The following EDEM1 variants were observed in gnomAD, a reference collection of about 807,000 sequenced individuals.
EDEM1 encodes ER degradation-enhancing alpha-mannosidase-like protein 1.
In EDEM1, 67 loss-of-function variants were observed where a neutral mutation model predicts 74.4. The ratio of observed to expected loss-of-function variants is 0.90; its 90% CI spans 0.74 to 1.10. The LOEUF is 1.10. EDEM1 is among the 50% of genes least tolerant of loss of function. The probability of loss-of-function intolerance (pLI) is 0.00; values close to 1 mark genes in which losing one functional copy is unlikely to be tolerated. For synonymous variants in EDEM1, 382 were observed against 335.9 expected, an observed-to-expected ratio of 1.14 and a Z score of -1.50; for missense variants, 926 against 851.6, an observed-to-expected ratio of 1.09 and a Z score of -1.09.
In EDEM1 at chr3:5,218,353, G is replaced by GT. The variant is rs34784782; in HGVS notation, c.*2453dup. 0.021 allele frequency: 2,754 copies of GT among 133,006 alleles called. 81 individuals are homozygous for GT. Among genetic ancestry groups the GT allele is most frequent in the African/African-American group, 0.064 (2,386 of 37,324 alleles). The allele number at this position is 133,006 out of a possible 1,614,324, so 8.2% of individuals were successfully genotyped here. A position where few individuals can be genotyped will look rare whatever the true frequency, so the allele number is the denominator to read the frequency against. On this transcript the variant is annotated 3_prime_UTR_variant, in exon 12 of 12. Coordinates refer to ENST00000256497, the MANE Select transcript of EDEM1 (RefSeq NM_014674.3). ...TTTGAGCCAGTTTCAAAGGTTACTTGTTTTTTTTTTTTTTTTTTAAAGTCA... is the reference window on the plus strand; with the variant it reads ...TTTGAGCCAGTTTCAAAGGTTACTTGTTTTTTTTTTTTTTTTTTTAAAGTCA...
At chr3:5,190,424 A>T (rs978498961) in intron 1 of EDEM1, among the ~76,000 whole-genome samples, 2 of 152,200 alleles carry the variant, frequency 1.3e-5, no homozygotes, top group Non-Finnish European at 2.9e-5. Flanking sequence ...ATGACATTTT[A>T]ATGTTTTTCT....
At position 5,216,170 on chromosome 3, in the gene EDEM1, T is replaced by C. The variant is rs1302165299; in HGVS notation, c.*252T>C. The C allele has an allele frequency of 6.0e-6, 3 of 499,754 alleles. No individual in the cohort carries two copies. The highest frequency in any genetic ancestry group is 4.2e-5 in the Admixed American group (1 of 23,640). 31.0% of individuals were successfully genotyped at this position (499,754 alleles called of 1,614,324 possible). On this transcript the variant is annotated 3_prime_UTR_variant, in exon 12 of 12. Coordinates refer to ENST00000256497, the MANE Select transcript of EDEM1 (RefSeq NM_014674.3). ...ATGGAAATTGCCCTCTTATGACATG[T>C]TGATGTTATAAGCACAATAGATGGG...
chr3:5,188,394 T>C lies in EDEM1; in HGVS notation c.509+80T>C, dbSNP rs1416629357. ...CGCGCCGGGGTGCAGCCCTCTGTCC[T>C]CCGGGGCCCCCGAGGGCGCCAGGGC... On this transcript the variant is annotated intron_variant, in intron 1 of 11. Coordinates refer to ENST00000256497, the MANE Select transcript of EDEM1 (RefSeq NM_014674.3). 3 of 1,308,046 alleles carry C rather than the reference T, an allele frequency of 2.3e-6. No individual in the cohort carries two copies. The African/African-American group carries it at 4.7e-5, about 20-fold the overall frequency. The allele number at this position is 1,308,046 out of a possible 1,614,324, so 81.0% of individuals were successfully genotyped here. A position where few individuals can be genotyped will look rare whatever the true frequency, so the allele number is the denominator to read the frequency against.
intron 1 of EDEM1, among the ~76,000 whole-genome samples, chr3:5,191,152 A>T (rs1481488032): frequency 6.6e-6 from 1 of 152,222 alleles, no homozygotes; most frequent in East Asian, 1.9e-4. Context: ...GAGTATTGTC[A>T]TGCTGGCTTT....
chr3:5,201,644 G>T, intron 3 of EDEM1, 109 bp from the exon 4 acceptor site: 2 of 1,290,486 alleles, frequency 1.5e-6, no homozygotes, highest in East Asian at 4.7e-5. Flanking sequence ...CTGACGTCAG[G>T]CAGTTCTGAG....
At chr3:5,193,628 G>A (rs1057386140) in intron 1 of EDEM1, among the ~76,000 whole-genome samples, 2 of 150,134 alleles carry the variant, frequency 1.3e-5, no homozygotes, top group South Asian at 2.1e-4. Context: ...ACAGAGTTTC[G>A]CTCTTGTTGC....
intron 6 of EDEM1, 110 bp downstream of exon 6, chr3:5,205,351 T>C: frequency 9.1e-7 from 1 of 1,101,248 alleles, no homozygotes; most frequent in Non-Finnish European, 1.3e-6. Context: ...ATCTCTGCCC[T>C]CACCTTACCA....
At chr3:5,204,081 A>G (rs1319640564) in intron 5 of EDEM1, among the ~76,000 whole-genome samples, 2 of 152,150 alleles carry the variant, frequency 1.3e-5, no homozygotes, top group East Asian at 3.9e-4. Flanking sequence ...AAATTTATGT[A>G]TACATTTGTT....
rs906060580 is a variant in EDEM1 at position 5,217,830 on chromosome 3, C to T, written c.*1912C>T. ...ATGCATGCATGCACACACGAGCATA[C>T]TTGTACCTTTGTCTCTGGGCAAACA... On this transcript the variant is annotated 3_prime_UTR_variant, in exon 12 of 12. Transcript: ENST00000256497. 3 of 152,128 alleles carry T rather than the reference C, an allele frequency of 2.0e-5. No individual in the cohort carries two copies. The highest frequency in any genetic ancestry group is 4.4e-5 in the Non-Finnish European group (3 of 68,030). 9.4% of individuals were successfully genotyped at this position (152,128 alleles called of 1,614,324 possible).
intron 2 of EDEM1, among the ~76,000 whole-genome samples, chr3:5,195,920 T>C (rs1344812026): frequency 2.0e-5 from 3 of 152,258 alleles, no homozygotes; most frequent in Non-Finnish European, 4.4e-5. Flanking sequence ...GTGCCATGTC[T>C]GTGTGCTTCA....
At chr3:5,192,918 T>TG (rs1246222887) in intron 1 of EDEM1, among the ~76,000 whole-genome samples, 1 of 151,592 alleles carries the variant, frequency 6.6e-6, no homozygotes, top group African/African-American at 2.4e-5. Context: ...TTACTGCAAG[T>TG]AATTTTTTTT....
intron 11 of EDEM1, among the ~76,000 whole-genome samples, chr3:5,215,295 G>A (rs868437865): frequency 6.6e-6 from 1 of 150,712 alleles, no homozygotes; most frequent in South Asian, 2.1e-4. Flanking sequence ...AAGTGGTGGG[G>A]GTGGGGGGGT....
rs571898134 is a variant in EDEM1 at position 5,199,864 on chromosome 3, T to C, written c.686+169T>C. Among the ~76,000 whole-genome samples, 9 of 152,264 alleles carry C rather than the reference T, an allele frequency of 5.9e-5. No individual in the cohort carries two copies. The South Asian group carries it at 1.7e-3, about 28-fold the overall frequency. ...TTCATATCTGTCAAAACTGGAACAA[T>C]TATTTCAAAGTAATCACATTCCGGA... On this transcript the variant is annotated intron_variant, in intron 3 of 11. Coordinates refer to ENST00000256497, the MANE Select transcript of EDEM1 (RefSeq NM_014674.3).
chr3:5,214,871 C>T (rs968346796), intron 11 of EDEM1, among the ~76,000 whole-genome samples: 2 of 152,136 alleles, frequency 1.3e-5, no homozygotes, highest in African/African-American at 4.8e-5. Context: ...AGGAGCATGG[C>T]CTAGTGGGGA....
At chr3:5,203,789 G>A (rs749306927) in intron 5 of EDEM1, among the ~76,000 whole-genome samples, 7 of 152,246 alleles carry the variant, frequency 4.6e-5, no homozygotes, top group Middle Eastern at 3.4e-3. Flanking sequence ...CTGGAGTTCA[G>A]TGGTGTGATC....
chr3:5,206,296 C>T (rs2055096135), intron 6 of EDEM1, among the ~76,000 whole-genome samples: 1 of 151,856 alleles, frequency 6.6e-6, no homozygotes, highest in Non-Finnish European at 1.5e-5. Context: ...CAACCTCTGC[C>T]TCCTGCGTTC....
intron 5 of EDEM1, 82 bp from the exon 6 acceptor site, chr3:5,204,985 G>A: frequency 6.8e-7 from 1 of 1,473,992 alleles, no homozygotes; most frequent in Non-Finnish European, 9.3e-7. Flanking sequence ...GGAGCAGTGT[G>A]GTTGGAGTAG....
chr3:5,213,569 A>G (rs1418572929), intron 11 of EDEM1, 47 bp downstream of exon 11: 1 of 1,527,838 alleles, frequency 6.5e-7, no homozygotes, highest in Admixed American at 2.0e-5. Flanking sequence ...GGAAGAGAAG[A>G]TACTATGAAT....
intron 1 of EDEM1, among the ~76,000 whole-genome samples, chr3:5,190,316 G>C (rs2054886437): frequency 6.6e-6 from 1 of 152,208 alleles, no homozygotes; most frequent in African/African-American, 2.4e-5. Flanking sequence ...CTGTTTCTCA[G>C]ATTACCTTTT....
Sources: gnomAD v4.1 joint callset for allele counts (sites outside exome capture counted in the v4.1 genomes callset) on GRCh38, gnomAD v4.1.1 for gene constraint, MANE v1.5 for transcripts, NCBI Gene and HGNC (gene_info 2026-07-23, HGNC 2026-07-21) for gene names.